Variants in ITGBL1 observed in about 807,000 individuals in gnomAD.
ITGBL1 encodes the protein integrin subunit beta like 1, also known as integrin beta-like protein 1.
ITGBL1 carries 51 observed loss-of-function variants against 68.5 expected under a neutral mutation model. The ratio of observed to expected loss-of-function variants is 0.74; its 90% CI spans 0.59 to 0.94. The LOEUF is 0.94. ITGBL1 is among the 40% of genes least tolerant of loss of function. ITGBL1 has a pLI of 0.00. For missense variants in ITGBL1, 649 were observed against 647.4 expected, an observed-to-expected ratio of 1.00 and a Z score of -0.03; for synonymous variants, 209 against 227.3, an observed-to-expected ratio of 0.92 and a Z score of 0.72.
chr13:101,546,842 G>T (rs1407652405), intron 2 of ITGBL1, among the ~76,000 whole-genome samples: 1 of 151,930 alleles, frequency 6.6e-6, no homozygotes, highest in African/African-American at 2.4e-5. Flanking sequence ...AAATAAGGTG[G>T]CTAATAATCA....
intron 8 of ITGBL1, among the ~76,000 whole-genome samples, chr13:101,704,902 C>T (rs1416832864): frequency 2.6e-5 from 4 of 152,164 alleles, no homozygotes; most frequent in Non-Finnish European, 4.4e-5. Context: ...AAAAAGACCA[C>T]AATTACCTCA....
At chr13:101,642,957 G>T (rs1330318348) in intron 7 of ITGBL1, among the ~76,000 whole-genome samples, 7 of 148,836 alleles carry the variant, frequency 4.7e-5, no homozygotes, top group African/African-American at 1.5e-4. Flanking sequence ...TGCTGTTTTG[G>T]TTACTGTAGC....
chr13:101,563,632 TC>T (rs1422726083), intron 2 of ITGBL1, among the ~76,000 whole-genome samples: 1 of 151,730 alleles, frequency 6.6e-6, no homozygotes, highest in Admixed American at 6.6e-5. Flanking sequence ...CCAATATTGG[TC>T]AAGCAAAGTG....
At chr13:101,690,086 A>T in intron 7 of ITGBL1, among the ~76,000 whole-genome samples, 1 of 152,176 alleles carries the variant, frequency 6.6e-6, no homozygotes, top group Non-Finnish European at 1.5e-5. Context: ...GTCATTTTAA[A>T]ACTCCAATAG....
intron 2 of ITGBL1, among the ~76,000 whole-genome samples, chr13:101,499,390 A>G (rs1326262594): frequency 1.3e-5 from 2 of 152,210 alleles, no homozygotes; most frequent in African/African-American, 2.4e-5. Context: ...GGTACTCAGT[A>G]CAAAATATAT....
intron 7 of ITGBL1, among the ~76,000 whole-genome samples, chr13:101,666,995 T>C (rs2033235173): frequency 6.6e-6 from 1 of 152,204 alleles, no homozygotes. Flanking sequence ...CAAAACGATT[T>C]GTCCAAATCC....
chr13:101,645,908 T>A (rs950983991), intron 7 of ITGBL1, among the ~76,000 whole-genome samples: 5 of 152,232 alleles, frequency 3.3e-5, no homozygotes, highest in African/African-American at 4.8e-5. Flanking sequence ...ATTTAGCTTT[T>A]GATATTTGAA....
intron 2 of ITGBL1, among the ~76,000 whole-genome samples, chr13:101,492,804 G>T (rs2048799397): frequency 6.6e-6 from 1 of 152,126 alleles, no homozygotes; most frequent in African/African-American, 2.4e-5. Context: ...CAAGTATATT[G>T]TCTCACTGTA....
At chr13:101,717,279 T>C (rs577619559), downstream of ITGBL1, 2 of 152,282 alleles carry the variant, frequency 1.3e-5, no homozygotes, top group Non-Finnish European at 2.9e-5. Flanking sequence ...GTACTAACAA[T>C]GTTCTCATAA....
intron 3 of ITGBL1, among the ~76,000 whole-genome samples, chr13:101,573,223 G>A (rs2050301455): frequency 6.6e-6 from 1 of 152,056 alleles, no homozygotes; most frequent in Non-Finnish European, 1.5e-5. Flanking sequence ...TGAAGCAATA[G>A]CATAAATTAT....
At chr13:101,707,212 T>C (rs567599027) in intron 9 of ITGBL1, among the ~76,000 whole-genome samples, 6 of 151,832 alleles carry the variant, frequency 4.0e-5, no homozygotes, top group Non-Finnish European at 7.4e-5. Flanking sequence ...GACCCAAAAA[T>C]GGGGAAAAAA....
intron 8 of ITGBL1, among the ~76,000 whole-genome samples, chr13:101,700,050 T>G (rs2034098878): frequency 6.6e-6 from 1 of 152,212 alleles, no homozygotes; most frequent in Admixed American, 6.5e-5. Context: ...GGATAGCTGC[T>G]TCACTTCTAG....
At chr13:101,702,626 T>C (rs1197361364) in intron 8 of ITGBL1, among the ~76,000 whole-genome samples, 1 of 152,206 alleles carries the variant, frequency 6.6e-6, no homozygotes, top group African/African-American at 2.4e-5. Flanking sequence ...TATTTTTCTA[T>C]GCAATACAGA....
chr13:101,645,839 T>C (rs1014275823), intron 7 of ITGBL1, among the ~76,000 whole-genome samples: 4 of 152,190 alleles, frequency 2.6e-5, no homozygotes, highest in African/African-American at 9.6e-5. Context: ...TCTCATATTT[T>C]GTGTTCTGGG....
At chr13:101,608,302 A>G (rs986073541) in intron 7 of ITGBL1, among the ~76,000 whole-genome samples, 24 of 151,602 alleles carry the variant, frequency 1.6e-4, no homozygotes, top group African/African-American at 5.1e-4. Flanking sequence ...TTTCCTTTTT[A>G]TTGGGAAAGC....
chr13:101,551,893 C>G (rs555260241), intron 2 of ITGBL1, among the ~76,000 whole-genome samples: 22 of 152,192 alleles, frequency 1.4e-4, no homozygotes, highest in African/African-American at 5.3e-4. Flanking sequence ...TCTATCATGA[C>G]AGATTTTCAG....
intron 7 of ITGBL1, among the ~76,000 whole-genome samples, chr13:101,652,051 C>T (rs2032770260): frequency 2.6e-5 from 4 of 152,034 alleles, no homozygotes; most frequent in Admixed American, 2.6e-4. Flanking sequence ...GTACCAGTAC[C>T]ATGCTGTTTT....
intron 4 of ITGBL1, 101 bp from the exon 5 acceptor site, chr13:101,579,186 A>G (rs954699606): frequency 2.5e-6 from 3 of 1,223,074 alleles, no homozygotes; most frequent in South Asian, 1.4e-5. Context: ...GAGCTGTGAC[A>G]GTATTTCAGA....
chr13:101,530,252 TAG>T (rs955893544), intron 2 of ITGBL1, among the ~76,000 whole-genome samples: 25 of 151,446 alleles, frequency 1.7e-4, no homozygotes, highest in Non-Finnish European at 2.5e-4. Context: ...TAATTATATA[TAG>T]AGAGAGAGAG....
Sources: allele counts gnomAD v4.1 joint callset (sites outside exome capture counted in the v4.1 genomes callset), GRCh38; gene constraint gnomAD v4.1.1; transcripts MANE v1.5; gene names NCBI Gene and HGNC (gene_info 2026-07-23, HGNC 2026-07-21).